Variants in ANKFN1 observed in about 807,000 individuals in gnomAD.
ANKFN1 encodes ankyrin repeat and fibronectin type III domain containing 1, also known as ankyrin repeat and fibronectin type-III domain-containing protein 1.
ANKFN1 carries 74 observed loss-of-function variants against 108.7 expected under a neutral mutation model. That is an observed-to-expected ratio of 0.68 (90% CI 0.56 to 0.83). The LOEUF is 0.83. Among genes scored for constraint, ANKFN1 ranks in the 40% least tolerant of loss-of-function variants. The pLI, the probability that ANKFN1 is intolerant of heterozygous loss-of-function variation, is 0.00. For synonymous variants in ANKFN1, 547 were observed against 516.2 expected (o/e 1.06, Z -0.81); for missense variants, 1,505 against 1,382.3 (o/e 1.09, Z -1.41).
chr17:56,488,751 T>C (rs1019412399), intron 18 of ANKFN1, among the ~76,000 whole-genome samples: 1 of 152,224 alleles, frequency 6.6e-6, no homozygotes, highest in South Asian at 2.1e-4. Context: ...ATCTTGTTGA[T>C]TCCTTGGCTT....
chr17:56,317,761 A>G (rs976911024), intron 3 of ANKFN1, among the ~76,000 whole-genome samples: 2 of 152,206 alleles, frequency 1.3e-5, no homozygotes, highest in African/African-American at 4.8e-5. Context: ...CAGTCAACAC[A>G]TAATCAGACA....
chr17:56,085,682 G>A (rs1476678967), intron 4 of ANKFN1, among the ~76,000 whole-genome samples: 5 of 151,312 alleles, frequency 3.3e-5, no homozygotes, highest in African/African-American at 1.2e-4. Flanking sequence ...CTGTGGATGC[G>A]CAAGGGACTT....
intron 1 of ANKFN1, among the ~76,000 whole-genome samples, chr17:56,198,648 G>A (rs1473701785): frequency 6.6e-6 from 1 of 152,108 alleles, no homozygotes; most frequent in African/African-American, 2.4e-5. Context: ...GAAAATTAGT[G>A]TTTTCTATGA....
rs1276551897 is a variant in ANKFN1, at chr17:56,515,847, A to T, written c.*4578A>T. Among the ~76,000 whole-genome samples the T allele has an allele frequency of 6.6e-6, 1 of 152,230 alleles. No homozygotes were observed. The highest frequency in any genetic ancestry group is 1.5e-5 in the Non-Finnish European group (1 of 68,034). ...CTAATAATGACTTTGTAAAACAGTT[A>T]TTCAAAAGGATGGTTGGCTTTGTTT... On this transcript the variant is annotated 3_prime_UTR_variant, in exon 21 of 21. Transcript: ENST00000682825.
intron 3 of ANKFN1, among the ~76,000 whole-genome samples, chr17:56,274,429 C>T (rs1489919105): frequency 7.9e-5 from 12 of 152,020 alleles, no homozygotes; most frequent in Non-Finnish European, 2.9e-5. Context: ...GCTGAGATCG[C>T]GCCACTACAC....
At chr17:56,491,771 G>T (rs2051047067) in intron 18 of ANKFN1, among the ~76,000 whole-genome samples, 1 of 152,160 alleles carries the variant, frequency 6.6e-6, no homozygotes, top group Admixed American at 6.5e-5. Context: ...GGCAAGATAT[G>T]TACTGGAAAT....
At chr17:56,164,918 G>C (rs1910009776) in intron 1 of ANKFN1, among the ~76,000 whole-genome samples, 1 of 152,226 alleles carries the variant, frequency 6.6e-6, no homozygotes, top group African/African-American at 2.4e-5. Flanking sequence ...AATGCTCATT[G>C]TTATGGTGTA....
intron 8 of ANKFN1, among the ~76,000 whole-genome samples, chr17:56,412,391 GAAGGATGA>G (rs2048117752): frequency 6.6e-6 from 1 of 152,180 alleles, no homozygotes; most frequent in Admixed American, 6.5e-5. Context: ...TGATTGGATT[GAAGGATGA>G]AAGTATTGTT....
chr17:56,273,933 C>T (rs2043852918), intron 3 of ANKFN1, among the ~76,000 whole-genome samples: 1 of 152,154 alleles, frequency 6.6e-6, no homozygotes, highest in Non-Finnish European at 1.5e-5. Context: ...ACTGTCTCTC[C>T]CTCTATTTCT....
At chr17:56,219,296 G>A (rs1915673784) in intron 2 of ANKFN1, among the ~76,000 whole-genome samples, 5 of 151,850 alleles carry the variant, frequency 3.3e-5, no homozygotes, top group Admixed American at 3.3e-4. Flanking sequence ...ACCCAGGCTG[G>A]AGTTCAGTGG....
intron 3 of ANKFN1, among the ~76,000 whole-genome samples, chr17:56,237,434 C>T (rs1049809472): frequency 1.3e-5 from 2 of 152,074 alleles, no homozygotes; most frequent in Non-Finnish European, 2.9e-5. Flanking sequence ...AATCGGTAGG[C>T]TATTTATTAC....
chr17:56,223,862 G>A lies in ANKFN1; in HGVS notation c.13-4055G>A, dbSNP rs16956913. On this transcript the variant is annotated intron_variant, in intron 2 of 20. Transcript: ENST00000682825. ...TGTCACATAGTAAGCACTAGGATTG[G>A]GCACGTTCTCTTCCAAATGCTTTAT... Among the ~76,000 whole-genome samples, 803 of 152,286 alleles carry A rather than the reference G, an allele frequency of 5.3e-3. 10 individuals carry two copies. Among genetic ancestry groups the A allele is most frequent in the African/African-American group, 0.019 (771 of 41,548 alleles).
intron 1 of ANKFN1, among the ~76,000 whole-genome samples, chr17:56,162,106 G>A (rs189774241): frequency 1.1e-4 from 16 of 152,268 alleles, no homozygotes; most frequent in Non-Finnish European, 2.4e-4. Context: ...GTCAGGGCAG[G>A]GGGTCTTATT....
intron 16 of ANKFN1, among the ~76,000 whole-genome samples, chr17:56,478,768 A>G (rs1406504177): frequency 6.6e-6 from 1 of 152,216 alleles, no homozygotes; most frequent in East Asian, 1.9e-4. Context: ...CAGACCTCAA[A>G]GGGCATAAAC....
At chr17:56,139,579 C>T (rs1363445134) in intron 4 of ANKFN1, among the ~76,000 whole-genome samples, 1 of 152,076 alleles carries the variant, frequency 6.6e-6, no homozygotes, top group African/African-American at 2.4e-5. Context: ...TGCCGACAGA[C>T]AGAGGAAAGT....
intron 6 of ANKFN1, among the ~76,000 whole-genome samples, chr17:56,359,912 A>C (rs2046471627): frequency 6.6e-6 from 1 of 152,154 alleles, no homozygotes; most frequent in South Asian, 2.1e-4. Flanking sequence ...TTGTCCTCAG[A>C]GTCAGTTTAT....
At chr17:56,496,745 T>C in intron 19 of ANKFN1, among the ~76,000 whole-genome samples, 1 of 152,270 alleles carries the variant, frequency 6.6e-6, no homozygotes, top group Middle Eastern at 3.4e-3. Flanking sequence ...TTTTGCCATA[T>C]AAAGTAATAT....
chr17:56,223,437 A>G (rs549012492), intron 2 of ANKFN1, among the ~76,000 whole-genome samples: 1 of 152,348 alleles, frequency 6.6e-6, no homozygotes, highest in South Asian at 2.1e-4. Context: ...ATCAAAACAC[A>G]AGGAGTCATT....
At chr17:56,104,841 A>G (rs1316677267) in intron 4 of ANKFN1, among the ~76,000 whole-genome samples, 2 of 152,188 alleles carry the variant, frequency 1.3e-5, no homozygotes, top group African/African-American at 4.8e-5. Context: ...AGGATTCTAG[A>G]GTCCTTGAGG....
Sources: allele counts gnomAD v4.1 joint callset (sites outside exome capture counted in the v4.1 genomes callset), GRCh38; gene constraint gnomAD v4.1.1; transcripts MANE v1.5; gene names NCBI Gene and HGNC (gene_info 2026-07-23, HGNC 2026-07-21).